Variants in NALCN observed in about 807,000 individuals in gnomAD.
NALCN encodes sodium leak channel NALCN.
In NALCN, 111 loss-of-function variants were observed where a neutral mutation model predicts 225.3. The observed-to-expected ratio is 0.49, with a 90% CI of 0.42 to 0.58. The LOEUF is 0.58. Among genes scored for constraint, NALCN ranks in the 20% least tolerant of loss-of-function variants. The pLI is 0.00. For synonymous variants in NALCN, 764 were observed against 769.0 expected, an observed-to-expected ratio of 0.99 and a Z score of 0.11; for missense variants, 1,378 against 2,202.4, an observed-to-expected ratio of 0.63 and a Z score of 7.49.
intron 12 of NALCN, among the ~76,000 whole-genome samples, chr13:101,233,309 T>G (rs1036762788): frequency 3.3e-5 from 5 of 152,060 alleles, no homozygotes; most frequent in African/African-American, 1.2e-4. Flanking sequence ...GTTAAGAATA[T>G]GAACTCTGAA....
chr13:101,292,514 T>C lies in NALCN; in HGVS notation c.800-148A>G. ...TTGATTAGAATCACATGCAACACAT[T>C]TTACTGTTCTCTTAAAATTTTAATA... On this transcript the variant is annotated intron_variant, in intron 7 of 43. Coordinates refer to ENST00000251127, the MANE Select transcript of NALCN (RefSeq NM_052867.4). The surrounding 1 kb of genome is among the most constrained non-coding windows in gnomAD (Gnocchi z 4.3). 2 of 777,418 alleles carry C rather than the reference T, an allele frequency of 2.6e-6. No individual in the cohort carries two copies. Among genetic ancestry groups the C allele is most frequent in the Non-Finnish European group, 3.8e-6 (2 of 520,448 alleles). 48.2% of individuals were successfully genotyped at this position (777,418 alleles called of 1,614,324 possible). A position where few individuals can be genotyped will look rare whatever the true frequency, so the allele number is the denominator to read the frequency against.
At chr13:101,210,558 AAAAG>A (rs2040486179) in intron 13 of NALCN, among the ~76,000 whole-genome samples, 1 of 152,202 alleles carries the variant, frequency 6.6e-6, no homozygotes, top group Non-Finnish European at 1.5e-5. Flanking sequence ...GGAAAGTCGC[AAAAG>A]ACTGATTAAA....
intron 12 of NALCN, among the ~76,000 whole-genome samples, chr13:101,232,236 G>A (rs1001479037): frequency 6.6e-6 from 1 of 151,976 alleles, no homozygotes; most frequent in Admixed American, 6.6e-5. Flanking sequence ...TTAACAGGAA[G>A]TATCAGTGGT....
At chr13:101,264,457 A>G (rs2042532928) in intron 10 of NALCN, among the ~76,000 whole-genome samples, 1 of 152,028 alleles carries the variant, frequency 6.6e-6, no homozygotes, top group South Asian at 2.1e-4. Context: ...CCAAGGCAGC[A>G]TTATCTGTCA....
At chr13:101,170,206 A>G (rs963389077) in intron 15 of NALCN, among the ~76,000 whole-genome samples, 1 of 152,196 alleles carries the variant, frequency 6.6e-6, no homozygotes, top group Non-Finnish European at 1.5e-5. Flanking sequence ...AAGTCCCACT[A>G]TCTGCTCTCT....
chr13:101,307,446 C>A (rs2044190607), intron 7 of NALCN, among the ~76,000 whole-genome samples: 1 of 152,184 alleles, frequency 6.6e-6, no homozygotes. Context: ...AAGACTGTGG[C>A]TTAATGAGAC....
chr13:101,283,128 CGGTCCT>C (rs1483666216), intron 10 of NALCN, among the ~76,000 whole-genome samples: 4 of 152,112 alleles, frequency 2.6e-5, no homozygotes, highest in Non-Finnish European at 4.4e-5. Context: ...ATCAATTCTC[CGGTCCT>C]ACGAGTGGGC....
At chr13:101,106,398 G>T (rs1231792609) in intron 22 of NALCN, among the ~76,000 whole-genome samples, 1 of 152,116 alleles carries the variant, frequency 6.6e-6, no homozygotes, top group Non-Finnish European at 1.5e-5. Context: ...TAATAACAAA[G>T]AAATCAATTT....
At chr13:101,130,089 C>T (rs551757532) in intron 17 of NALCN, among the ~76,000 whole-genome samples, 2 of 152,188 alleles carry the variant, frequency 1.3e-5, no homozygotes, top group Non-Finnish European at 2.9e-5. Flanking sequence ...ATGGTGTATA[C>T]GTGCCACGTT....
chr13:101,206,359 A>C (rs1226769889), intron 13 of NALCN, among the ~76,000 whole-genome samples: 1 of 152,104 alleles, frequency 6.6e-6, no homozygotes, highest in Admixed American at 6.5e-5. Flanking sequence ...CACACTTCTA[A>C]TAGTGCTTAT....
At chr13:101,344,254 A>C (rs892433565) in intron 7 of NALCN, among the ~76,000 whole-genome samples, 27 of 152,202 alleles carry the variant, frequency 1.8e-4, no homozygotes, top group African/African-American at 6.5e-4. Context: ...AGAAAATTGA[A>C]ATTGCTTCAC....
chr13:101,100,701 T>C lies in NALCN; in HGVS notation c.3162+83A>G, dbSNP rs1212041476. The C allele has an allele frequency of 1.6e-5, 19 of 1,180,392 alleles. No homozygotes were observed. The Admixed American group carries it at 4.6e-4, about 29-fold the overall frequency. 73.1% of individuals were successfully genotyped at this position (1,180,392 alleles called of 1,614,324 possible). ...TTCAAGTAATCTTCCCTCCTTGGCA[T>C]TCCAAAGTGCTAGGATTGTAGGCAC... is the stretch of plus-strand genomic sequence containing the variant. On this transcript the variant is annotated intron_variant, in intron 27 of 43. Transcript: ENST00000251127.
At chr13:101,388,903 C>G (rs1332190174) in intron 3 of NALCN, among the ~76,000 whole-genome samples, 1 of 152,214 alleles carries the variant, frequency 6.6e-6, no homozygotes, top group Non-Finnish European at 1.5e-5. Context: ...GCCCCAATAA[C>G]CACTACACAC....
At chr13:101,413,460 T>C (rs181218422) in intron 1 of NALCN, among the ~76,000 whole-genome samples, 1 of 152,184 alleles carries the variant, frequency 6.6e-6, no homozygotes, top group Admixed American at 6.5e-5. Context: ...GTTAAATATA[T>C]GAGGCTGTAT....
chr13:101,335,969 A>G (rs2139258456), intron 7 of NALCN, among the ~76,000 whole-genome samples: 1 of 152,250 alleles, frequency 6.6e-6, no homozygotes, highest in East Asian at 1.9e-4. Flanking sequence ...TTTACATCCC[A>G]TTATAATTTG....
At chr13:101,232,252 T>G (rs1390417999) in intron 12 of NALCN, among the ~76,000 whole-genome samples, 1 of 152,138 alleles carries the variant, frequency 6.6e-6, no homozygotes, top group African/African-American at 2.4e-5. Flanking sequence ...GTGGTCAGTC[T>G]TATTCCTATT....
chr13:101,178,829 G>A (rs978232868), intron 14 of NALCN, among the ~76,000 whole-genome samples: 1 of 152,172 alleles, frequency 6.6e-6, no homozygotes, highest in African/African-American at 2.4e-5. Context: ...ATATAAAAGA[G>A]GGAGGTATTT....
intron 13 of NALCN, among the ~76,000 whole-genome samples, chr13:101,195,872 A>G (rs1001426362): frequency 2.6e-5 from 4 of 151,952 alleles, no homozygotes; most frequent in African/African-American, 9.7e-5. Flanking sequence ...TTCATTTTCC[A>G]TCTCGTGTCA....
At chr13:101,212,735 G>T (rs1402694756) in intron 13 of NALCN, among the ~76,000 whole-genome samples, 1 of 152,100 alleles carries the variant, frequency 6.6e-6, no homozygotes, top group Non-Finnish European at 1.5e-5. Context: ...AAAGGCAAAA[G>T]ACTGTGAGGC....
Sources: allele counts gnomAD v4.1 joint callset (sites outside exome capture counted in the v4.1 genomes callset), GRCh38; gene constraint gnomAD v4.1.1; non-coding constraint Gnocchi (gnomAD v3.1); transcripts MANE v1.5; gene names NCBI Gene and HGNC (gene_info 2026-07-23, HGNC 2026-07-21).